Variants in GRK5 observed in about 807,000 individuals in gnomAD.
The protein encoded by GRK5 is G protein-coupled receptor kinase 5, also known as g protein-coupled receptor kinase GRK5.
A neutral mutation model predicts 78.4 loss-of-function variants in GRK5; 40 were observed. That is an observed-to-expected ratio of 0.51 (90% CI 0.40 to 0.66). The LOEUF (loss-of-function observed/expected upper bound fraction) is 0.66, where lower values mean the gene tolerates loss of function less well. Ranked by LOEUF, GRK5 falls within the 30% of genes least tolerant of loss-of-function variation. The pLI, the probability that GRK5 is intolerant of heterozygous loss-of-function variation, is 0.00. For synonymous variants in GRK5, 289 were observed against 296.8 expected (o/e 0.97, Z 0.27); for missense variants, 598 against 759.9 (o/e 0.79, Z 2.50).
chr10:119,421,705 A>G (rs1473799762), intron 4 of GRK5, among the ~76,000 whole-genome samples: 1 of 152,128 alleles, frequency 6.6e-6, no homozygotes, highest in Non-Finnish European at 1.5e-5. Flanking sequence ...AGTGGTGTTT[A>G]CTGTCACAGC....
At chr10:119,416,324 A>G (rs924355371) in intron 4 of GRK5, among the ~76,000 whole-genome samples, 1 of 152,238 alleles carries the variant, frequency 6.6e-6, no homozygotes, top group African/African-American at 2.4e-5. Context: ...TGGCGACGCC[A>G]TCCTCGGGGC....
chr10:119,455,136 G>T lies in GRK5; in HGVS notation c.*69G>T. On this transcript the variant is annotated 3_prime_UTR_variant, in exon 16 of 16. Transcript: ENST00000392870. ...CCTTCTCCTTAGAAGTGGAAGTAGT[G>T]GAGCCCCTGCTCTGGTGGGGCTGCC... 1 of 1,257,012 alleles carries T rather than the reference G, an allele frequency of 8.0e-7. No homozygotes were observed. The highest frequency in any genetic ancestry group is 2.3e-5 in the East Asian group (1 of 43,102). The allele number at this position is 1,257,012 out of a possible 1,614,324, so 77.9% of individuals were successfully genotyped here. A position where few individuals can be genotyped will look rare whatever the true frequency, so the allele number is the denominator to read the frequency against.
At chr10:119,406,163 G>A (rs1037204110) in intron 4 of GRK5, among the ~76,000 whole-genome samples, 1 of 152,202 alleles carries the variant, frequency 6.6e-6, no homozygotes, top group Non-Finnish European at 1.5e-5. Flanking sequence ...CTTTTTCACC[G>A]AGTGATTCAA....
chr10:119,397,163 G>A (rs545271990), intron 4 of GRK5, among the ~76,000 whole-genome samples: 1 of 152,340 alleles, frequency 6.6e-6, no homozygotes, highest in Admixed American at 6.5e-5. Flanking sequence ...GGGAAGTGTT[G>A]GGGGTTGACT....
chr10:119,334,575 C>T (rs1336429203), intron 2 of GRK5: 1 of 152,156 alleles, frequency 6.6e-6, no homozygotes, highest in Non-Finnish European at 1.5e-5. Flanking sequence ...GGAATGTCAT[C>T]ACGAAGATAA....
Position 119,456,739 on chromosome 10 carries a change from G to T in GRK5, c.*1672G>T, listed in dbSNP as rs778624624. The T allele has an allele frequency of 1.3e-5, 2 of 152,222 alleles. No homozygotes were observed. The highest frequency in any genetic ancestry group is 2.4e-5 in the African/African-American group (1 of 41,462). The allele number at this position is 152,222 out of a possible 1,614,324, so 9.4% of individuals were successfully genotyped here. On this transcript the variant is annotated 3_prime_UTR_variant, in exon 16 of 16. Coordinates refer to ENST00000392870, the MANE Select transcript of GRK5 (RefSeq NM_005308.3). The surrounding 1 kb of genome is among the most constrained non-coding windows in gnomAD (Gnocchi z 5.5). Reference sequence around the variant, plus strand: ...GCTGTGGGCTCTCAGCGGGGCTTTGGGGGTGATCATCCCAAACACATTTCT... The same window carrying T: ...GCTGTGGGCTCTCAGCGGGGCTTTGTGGGTGATCATCCCAAACACATTTCT...
rs186914276 is a variant in GRK5, at chr10:119,281,398, G to A, written c.53-45118G>A. 2.0e-5 allele frequency among the ~76,000 whole-genome samples: 3 copies of A among 152,266 alleles called. No homozygotes were observed. In the East Asian group the frequency reaches 5.8e-4, roughly 29 times the overall value. On this transcript the variant is annotated intron_variant, in intron 1 of 15. Transcript: ENST00000392870. Reference sequence around the variant, plus strand: ...ACCCTGGGTTGGCAGTCTCTGCCCCGAGCTCTCCTGTTCCTCTCCCCTGCT... The same window carrying A: ...ACCCTGGGTTGGCAGTCTCTGCCCCAAGCTCTCCTGTTCCTCTCCCCTGCT...
At chr10:119,263,315 A>G (rs1348738171) in intron 1 of GRK5, among the ~76,000 whole-genome samples, 1 of 152,020 alleles carries the variant, frequency 6.6e-6, no homozygotes, top group Non-Finnish European at 1.5e-5. Flanking sequence ...TCCACAATGT[A>G]CATTCTTATA....
intron 1 of GRK5, among the ~76,000 whole-genome samples, chr10:119,290,601 C>T (rs185549572): frequency 1.1e-4 from 16 of 152,080 alleles, no homozygotes; most frequent in East Asian, 9.8e-4. Context: ...CCAGGTACCC[C>T]GCAATCCAGC....
chr10:119,340,108 T>TTTTG (rs1040678487), intron 2 of GRK5, among the ~76,000 whole-genome samples: 4 of 149,690 alleles, frequency 2.7e-5, no homozygotes, highest in South Asian at 2.1e-4. Flanking sequence ...AGTGTGGTTT[T>TTTTG]TTTGTTTGTT....
chr10:119,358,544 T>A (rs1301701240), intron 2 of GRK5, among the ~76,000 whole-genome samples: 1 of 152,164 alleles, frequency 6.6e-6, no homozygotes, highest in African/African-American at 2.4e-5. Flanking sequence ...TCCCAAATCA[T>A]GGTCCTGTCT....
intron 1 of GRK5, among the ~76,000 whole-genome samples, chr10:119,209,660 C>T (rs1429186282): frequency 3.3e-5 from 5 of 151,806 alleles, no homozygotes; most frequent in African/African-American, 1.2e-4. Context: ...AGCTGGCCAC[C>T]TAGTGGTGGG....
chr10:119,249,898 A>G (rs1051250963), intron 1 of GRK5, among the ~76,000 whole-genome samples: 1 of 152,274 alleles, frequency 6.6e-6, no homozygotes, highest in African/African-American at 2.4e-5. Context: ...AGGATGTCAC[A>G]GATACCTGGC....
chr10:119,329,220 G>A (rs891323459), intron 2 of GRK5, among the ~76,000 whole-genome samples: 2 of 152,284 alleles, frequency 1.3e-5, no homozygotes, highest in African/African-American at 4.8e-5. Flanking sequence ...TTTTATTCAT[G>A]TGTTTCTCAA....
chr10:119,351,320 G>A (rs143763772), intron 2 of GRK5, among the ~76,000 whole-genome samples: 6 of 152,274 alleles, frequency 3.9e-5, no homozygotes, highest in East Asian at 3.9e-4. Context: ...CCCAAGTCTC[G>A]TCTTGAATCG....
chr10:119,427,604 A>C (rs983749494), intron 6 of GRK5, among the ~76,000 whole-genome samples: 5 of 151,950 alleles, frequency 3.3e-5, no homozygotes, highest in Non-Finnish European at 7.3e-5. Flanking sequence ...CATCACCATC[A>C]TCAGCATCAC....
At chr10:119,420,700 T>A (rs1446580649) in intron 4 of GRK5, among the ~76,000 whole-genome samples, 4 of 151,974 alleles carry the variant, frequency 2.6e-5, no homozygotes, top group Admixed American at 6.6e-5. Context: ...CGCCTCAGCC[T>A]CCCAAGTAGC....
intron 2 of GRK5, among the ~76,000 whole-genome samples, chr10:119,354,395 CTTTTTTTTTTTT>C (rs60146483): frequency 9.1e-5 from 8 of 87,818 alleles, no homozygotes; most frequent in East Asian, 3.3e-4. Flanking sequence ...CCTACATCTC[CTTTTTTTTTTTT>C]TTTTTTTTTT....
At chr10:119,212,129 A>G (rs1023935696) in intron 1 of GRK5, among the ~76,000 whole-genome samples, 5 of 151,254 alleles carry the variant, frequency 3.3e-5, no homozygotes, top group Non-Finnish European at 7.4e-5. Context: ...CCTGTTAAAC[A>G]CAATGCCGTT....
Sources: gnomAD v4.1 joint callset for allele counts (sites outside exome capture counted in the v4.1 genomes callset) on GRCh38, gnomAD v4.1.1 for gene constraint, Gnocchi (gnomAD v3.1) non-coding constraint, MANE v1.5 for transcripts, NCBI Gene and HGNC (gene_info 2026-07-23, HGNC 2026-07-21) for gene names.